CRAMP1: variants seen among roughly 807,000 people sequenced by gnomAD.
CRAMP1 encodes protein cramped-like.
CRAMP1 carries 50 observed loss-of-function variants against 115.4 expected under a neutral mutation model. That is an observed-to-expected ratio of 0.43 (90% CI 0.35 to 0.55). The LOEUF (loss-of-function observed/expected upper bound fraction) is 0.55. Among genes scored for constraint, CRAMP1 ranks in the 20% least tolerant of loss-of-function variants. The probability of loss-of-function intolerance (pLI) is 0.01; values close to 1 mark genes in which losing one functional copy is unlikely to be tolerated. For synonymous variants in CRAMP1, 866 were observed against 745.4 expected (o/e 1.16, Z -2.64); for missense variants, 1,679 against 1,721.7 (o/e 0.98, Z 0.44).
intron 10 of CRAMP1, among the ~76,000 whole-genome samples, chr16:1,658,936 G>T (rs1171201084): frequency 2.0e-5 from 3 of 152,126 alleles, no homozygotes; most frequent in Non-Finnish European, 2.9e-5. Flanking sequence ...TGGGGTGCTG[G>T]CCGAGTCTTC....
At chr16:1,647,139 G>T in intron 6 of CRAMP1, 1 of 693,776 alleles carries the variant, frequency 1.4e-6, no homozygotes, top group Non-Finnish European at 2.6e-6. Flanking sequence ...TATTTGACTT[G>T]CTGTCGCCTC....
Position 1,665,045 on chromosome 16 carries a change from T to C in CRAMP1, c.2671-12T>C. The C allele has an allele frequency of 6.3e-7, 1 of 1,588,208 alleles. No individual in the cohort carries two copies. ...GTTTCATCACCTTGATTGTTGACCA[T>C]TTTCCCCACAGAGAACACTGCTCCC... On this transcript the variant is annotated splice_polypyrimidine_tract_variant and intron_variant, in intron 13 of 20. Transcript: ENST00000397412.
At chr16:1,637,249 A>C (rs986244183) in intron 4 of CRAMP1, among the ~76,000 whole-genome samples, 5 of 151,936 alleles carry the variant, frequency 3.3e-5, no homozygotes, top group African/African-American at 9.7e-5. Context: ...AGCCGAGATC[A>C]TGCCACTGCA....
At position 1,670,718 on chromosome 16, in the gene CRAMP1, C is replaced by A; in HGVS notation, c.3554C>A (p.Thr1185Asn). ...SRKMLPTPIG[T>N]NSGTSLLGPS... ...AAGATGTTGCCGACTCCCATTGGGA[C>A]CAACAGTGGCACTTCCTTGCTTGGC... The change falls in exon 20 of 21, where the codon ACC becomes AAC. Residue 1185 changes from threonine (T) to asparagine (N), a missense_variant. Thr to Asn is a moderately conservative substitution (Grantham distance 65, BLOSUM62 0). Coordinates refer to ENST00000397412, the MANE Select transcript of CRAMP1 (RefSeq NM_020825.4). The A allele has an allele frequency of 6.2e-7, 1 of 1,613,968 alleles. No individual in the cohort carries two copies. Among genetic ancestry groups the A allele is most frequent in the Non-Finnish European group, 8.5e-7 (1 of 1,179,852 alleles).
intron 6 of CRAMP1, among the ~76,000 whole-genome samples, chr16:1,651,218 C>T (rs1273789260): frequency 7.0e-6 from 1 of 143,322 alleles, no homozygotes; most frequent in Non-Finnish European, 1.5e-5. Context: ...AAGGTGGACT[C>T]AGAGGTCACA....
intron 8 of CRAMP1, among the ~76,000 whole-genome samples, chr16:1,654,632 T>C (rs1445996754): frequency 6.6e-6 from 1 of 152,174 alleles, no homozygotes; most frequent in Non-Finnish European, 1.5e-5. Context: ...CCTGTGCACC[T>C]CAGCACTCAC....
Position 1,669,164 on chromosome 16 carries a change from T to C in CRAMP1, c.3498T>C (p.Phe1166=), listed in dbSNP as rs1226480066. 1.3e-6 allele frequency: 2 copies of C among 1,597,842 alleles called. No individual in the cohort carries two copies. The highest frequency in any genetic ancestry group is 1.7e-5 in the Admixed American group (1 of 57,626). ...DSTDSSLSSL[F]ASFISPEKSR... The stretch of plus-strand genomic sequence containing the variant: ...CCGACTCCTCGCTCAGCAGCCTGTT[T>C]GGTGAGTGTATGGGGAGGGCTCCCA... Residue 1166 remains phenylalanine (F), a splice_region_variant and synonymous_variant, in exon 19 of 21, where the codon TTT becomes TTC. Transcript: ENST00000397412. The surrounding 1 kb of genome is among the most constrained non-coding windows in gnomAD (Gnocchi z 4.6).
rs766621775 is a variant in CRAMP1 at position 1,673,976 on chromosome 16, G to C, written c.3741G>C (p.Glu1247Asp). Residue 1247 changes from glutamate (E) to aspartate (D), a missense_variant, in exon 21 of 21, where the codon GAG becomes GAC. Around this residue, in one of 8 missense-constraint regions of CRAMP1, gnomAD observed 709 missense variants for 741.9 expected, o/e 0.96. Transcript: ENST00000397412. ...TGGCCCAAGAGCTGTCCATCGCTGAGCCTGGCCGCCGAGAAGCTCTGTTTG... is the reference window on the plus strand; with the variant it reads ...TGGCCCAAGAGCTGTCCATCGCTGACCCTGGCCGCCGAGAAGCTCTGTTTG... ...NDLAQELSIAEPGRREALFDG... is the reference protein window; with the variant it reads ...NDLAQELSIADPGRREALFDG... The C allele has an allele frequency of 6.2e-7, 1 of 1,613,166 alleles. No individual in the cohort carries two copies. Among genetic ancestry groups the C allele is most frequent in the Non-Finnish European group, 8.5e-7 (1 of 1,179,898 alleles).
At chr16:1,615,882 C>T (rs1038512842) in intron 2 of CRAMP1, among the ~76,000 whole-genome samples, 25 of 152,176 alleles carry the variant, frequency 1.6e-4, no homozygotes, top group African/African-American at 5.6e-4. Context: ...CTTTCACTTC[C>T]TTCCTTGGGA....
rs1448318142 is a variant in CRAMP1 at position 1,676,194 on chromosome 16, G to C, written c.*2149G>C. ...GTTTTGGAGGTCAGAGTCTGCTTTC[G>C]TAGGCTCTTTAGACAGCACCTACCA... On this transcript the variant is annotated 3_prime_UTR_variant, in exon 21 of 21. Transcript: ENST00000397412. The C allele has an allele frequency of 6.6e-6, 1 of 152,236 alleles. No homozygotes were observed. Among genetic ancestry groups the C allele is most frequent in the Non-Finnish European group, 1.5e-5 (1 of 68,058 alleles). 9.4% of individuals were successfully genotyped at this position (152,236 alleles called of 1,614,324 possible).
chr16:1,622,006 G>C (rs757654602), intron 2 of CRAMP1, among the ~76,000 whole-genome samples: 1 of 152,060 alleles, frequency 6.6e-6, no homozygotes, highest in Non-Finnish European at 1.5e-5. Context: ...GTTTTCATCT[G>C]AATTTCTCTG....
At chr16:1,653,606 G>A (rs772230588) in intron 8 of CRAMP1, among the ~76,000 whole-genome samples, 80 of 152,100 alleles carry the variant, frequency 5.3e-4, no homozygotes, top group Non-Finnish European at 1.1e-3. Flanking sequence ...AGGGCGGGTG[G>A]ATCACGAGGT....
At chr16:1,662,333 CTT>C in intron 11 of CRAMP1, 155 bp from the exon 12 acceptor site, 1 of 627,460 alleles carries the variant, frequency 1.6e-6, no homozygotes. Context: ...GAAAATCAGT[CTT>C]TATGTGGGAC....
Position 1,656,237 on chromosome 16 carries a change from G to T in CRAMP1, c.1480G>T (p.Ala494Ser). The change falls in exon 10 of 21, where the codon GCC (alanine) becomes TCC (serine). Residue 494 changes from alanine to serine, a missense_variant. Around this residue, in one of 8 missense-constraint regions of CRAMP1, gnomAD observed 405 missense variants for 302.6 expected, o/e 1.34. Transcript: ENST00000397412. The surrounding 1 kb of genome is among the most constrained non-coding windows in gnomAD (Gnocchi z 5.6). ...CTCCGGAGAGAGTTCCCCCGAAAGC[G>T]CCCCCGGGGAGGGGGCTGCCCTAAG... The part of the protein sequence containing the change: ...QSSGESSPES[A>S]PGEGAALSLS... The T allele has an allele frequency of 1.2e-6, 2 of 1,608,458 alleles. No homozygotes were observed. Among genetic ancestry groups the T allele is most frequent in the Admixed American group, 1.7e-5 (1 of 59,564 alleles).
Position 1,656,500 on chromosome 16 carries a change from C to G in CRAMP1, c.1743C>G (p.Asp581Glu), listed in dbSNP as rs1056989413. 6.4e-7 allele frequency: 1 copy of G among 1,571,304 alleles called. No homozygotes were observed. Among genetic ancestry groups the G allele is most frequent in the Non-Finnish European group, 8.6e-7 (1 of 1,159,038 alleles). ...LIVPEQCRCA[D>E]TRPGSEQPPL... ...TCCCCGAGCAGTGCCGCTGTGCGGA[C>G]ACACGGCCTGGGAGCGAGCAGCCCC... is the stretch of plus-strand genomic sequence containing the variant. Residue 581 changes from aspartate to glutamate, a missense_variant, in exon 10 of 21, where the codon GAC (aspartate) becomes GAG (glutamate). Coordinates refer to ENST00000397412, the MANE Select transcript of CRAMP1 (RefSeq NM_020825.4). The surrounding 1 kb of genome is among the most constrained non-coding windows in gnomAD (Gnocchi z 5.6).
In CRAMP1 at chr16:1,631,181, A is replaced by G. The variant is rs551347307; in HGVS notation, c.541-1031A>G. 7.9e-5 allele frequency among the ~76,000 whole-genome samples: 12 copies of G among 152,352 alleles called. No individual in the cohort carries two copies. The East Asian group carries it at 1.9e-3, about 25-fold the overall frequency. On this transcript the variant is annotated intron_variant, in intron 3 of 20. Transcript: ENST00000397412. ...GCTGATTGGAAGTCCTGTGCCAAGA[A>G]GAGCCCTGCGTTCTCCCCCACACGT...
intron 6 of CRAMP1, among the ~76,000 whole-genome samples, chr16:1,649,261 C>G (rs1444103217): frequency 6.6e-6 from 1 of 152,062 alleles, no homozygotes; most frequent in African/African-American, 2.4e-5. Context: ...TGATTCCCAG[C>G]ACTGAAGGCA....
chr16:1,628,355 G>A (rs1046593604), intron 3 of CRAMP1, among the ~76,000 whole-genome samples: 13 of 152,210 alleles, frequency 8.5e-5, no homozygotes, highest in African/African-American at 2.9e-4. Flanking sequence ...CTGGGTTAAA[G>A]CGATTCTCCT....
At position 1,666,668 on chromosome 16, in the gene CRAMP1, G is replaced by T; in HGVS notation, c.3036+68G>T. 6.9e-7 allele frequency: 1 copy of T among 1,443,550 alleles called. No homozygotes were observed. Among genetic ancestry groups the T allele is most frequent in the Admixed American group, 1.7e-5 (1 of 58,154 alleles). 89.4% of individuals were successfully genotyped at this position (1,443,550 alleles called of 1,614,324 possible). A position where few individuals can be genotyped will look rare whatever the true frequency, so the allele number is the denominator to read the frequency against. Reference sequence around the variant, plus strand: ...CTGGTGTGGACGCCAAAGCCATGGGGCTGAGATCACGCTGGACTCCAGCTC... The same window carrying T: ...CTGGTGTGGACGCCAAAGCCATGGGTCTGAGATCACGCTGGACTCCAGCTC... On this transcript the variant is annotated intron_variant, in intron 16 of 20. Coordinates refer to ENST00000397412, the MANE Select transcript of CRAMP1 (RefSeq NM_020825.4). This position sits in a 1 kb window ranked among gnomAD's most constrained non-coding sequence, Gnocchi z 5.0.
Sources: gnomAD v4.1 joint callset for allele counts (sites outside exome capture counted in the v4.1 genomes callset) on GRCh38, gnomAD v4.1.1 for gene constraint, gnomAD v4.1.1 regional missense constraint, Gnocchi (gnomAD v3.1) non-coding constraint, MANE v1.5 for transcripts, NCBI Gene and HGNC (gene_info 2026-07-23, HGNC 2026-07-21) for gene names.